The following ARID1B variants were observed in gnomAD, a reference collection of about 807,000 sequenced individuals.
ARID1B encodes the protein AT-rich interactive domain-containing protein 1B.
A neutral mutation model predicts 212.3 loss-of-function variants in ARID1B; 30 were observed. The ratio of observed to expected loss-of-function variants is 0.14; its 90% CI spans 0.11 to 0.19. ARID1B has a LOEUF of 0.19. ARID1B is among the 10% of genes least tolerant of loss of function. The pLI, the probability that ARID1B is intolerant of heterozygous loss-of-function variation, is 1.00. For synonymous variants in ARID1B, 1,402 were observed against 1,301.7 expected (o/e 1.08, Z -1.66); for missense variants, 2,891 against 3,204.0 (o/e 0.90, Z 2.36).
At chr6:157,114,513 C>T (rs1036692881) in intron 6 of ARID1B, among the ~76,000 whole-genome samples, 8 of 98,724 alleles carry the variant, frequency 8.1e-5, no homozygotes, top group African/African-American at 3.7e-4. Flanking sequence ...GACAGAGCGA[C>T]ACTCCGTCTC....
chr6:156,950,909 T>A (rs1340732300), intron 4 of ARID1B, among the ~76,000 whole-genome samples: 1 of 152,210 alleles, frequency 6.6e-6, no homozygotes, highest in African/African-American at 2.4e-5. Flanking sequence ...ATGTATGAAG[T>A]ATAATATAAT....
chr6:157,142,718 A>G (rs537860493), intron 7 of ARID1B, among the ~76,000 whole-genome samples: 45 of 152,368 alleles, frequency 3.0e-4, no homozygotes, highest in Admixed American at 6.5e-4. Flanking sequence ...CTACAAAACA[A>G]GATAAATGCA....
intron 6 of ARID1B, among the ~76,000 whole-genome samples, chr6:157,113,420 G>C (rs1437845025): frequency 1.3e-5 from 2 of 152,176 alleles, no homozygotes; most frequent in Non-Finnish European, 2.9e-5. Flanking sequence ...CTGACTCATA[G>C]TCCTGCAGGC....
intron 2 of ARID1B, 152 bp downstream of exon 2, chr6:156,829,573 T>C: frequency 1.1e-6 from 1 of 925,474 alleles, no homozygotes; most frequent in Non-Finnish European, 1.5e-6. Flanking sequence ...CAGGTATAAT[T>C]TTTTTTTTCT....
intron 2 of ARID1B, among the ~76,000 whole-genome samples, chr6:156,843,238 A>G (rs1024232661): frequency 3.3e-5 from 5 of 152,168 alleles, no homozygotes; most frequent in Admixed American, 3.3e-4. Context: ...TTTTCTGGTA[A>G]TCTTCTGTTT....
intron 2 of ARID1B, among the ~76,000 whole-genome samples, chr6:156,868,863 A>G (rs1785905616): frequency 6.6e-6 from 1 of 152,242 alleles, no homozygotes; most frequent in African/African-American, 2.4e-5. Context: ...GTCAATTTTT[A>G]ATAACACTTA....
At chr6:157,139,246 T>G (rs1311147932) in intron 7 of ARID1B, among the ~76,000 whole-genome samples, 1 of 152,196 alleles carries the variant, frequency 6.6e-6, no homozygotes, top group Non-Finnish European at 1.5e-5. Flanking sequence ...CGCACCACCG[T>G]ACGCACCATG....
intron 3 of ARID1B, among the ~76,000 whole-genome samples, chr6:156,913,221 T>TC (rs1054827414): frequency 1.0e-4 from 15 of 148,770 alleles, no homozygotes; most frequent in African/African-American, 3.4e-4. Flanking sequence ...CTTTTTCTTT[T>TC]TTTTTTTTTT....
chr6:157,061,951 A>G (rs1238352828), intron 4 of ARID1B, among the ~76,000 whole-genome samples: 1 of 152,182 alleles, frequency 6.6e-6, no homozygotes, highest in Non-Finnish European at 1.5e-5. Flanking sequence ...AAGAGTCACC[A>G]TGGTAAATTT....
intron 4 of ARID1B, among the ~76,000 whole-genome samples, chr6:157,032,142 C>T (rs1313764868): frequency 6.6e-6 from 1 of 152,190 alleles, no homozygotes; most frequent in East Asian, 1.9e-4. Context: ...AGACATTTTC[C>T]AGCATGGCAC....
intron 8 of ARID1B, chr6:157,150,302 A>G (rs1790103220): frequency 6.6e-6 from 1 of 152,118 alleles, no homozygotes. Context: ...TCTCTGAGTC[A>G]GTGTTTATGT....
chr6:156,985,417 A>T (rs1777862609), intron 4 of ARID1B: 1 of 152,240 alleles, frequency 6.6e-6, no homozygotes, highest in African/African-American at 2.4e-5. Context: ...CAATATATGG[A>T]TCTGGAAGAA....
intron 4 of ARID1B, among the ~76,000 whole-genome samples, chr6:157,022,106 G>C (rs1025394095): frequency 6.6e-6 from 1 of 151,844 alleles, no homozygotes; most frequent in Non-Finnish European, 1.5e-5. Flanking sequence ...CGCCAGCAGG[G>C]CCGCGGAGCC....
rs141705209 is a variant in ARID1B, at chr6:156,856,700, TCACACACACACACACA to T, written c.1986+27306_1986+27321del. 4.7e-3 allele frequency among the ~76,000 whole-genome samples: 543 copies of T among 114,686 alleles called. 2 individuals carry two copies. The highest frequency in any genetic ancestry group is 0.014 in the African/African-American group (413 of 29,032). 75.2% of individuals were successfully genotyped at this position (114,686 alleles called of 152,430 possible). A position where few individuals can be genotyped will look rare whatever the true frequency, so the allele number is the denominator to read the frequency against. ...CTCTCTCTCTCTCTCTCTCTCTCTC[TCACACACACACACACA>T]CACACACACACACACACACACACAC... On this transcript the variant is annotated intron_variant, in intron 2 of 19. Coordinates refer to ENST00000636930, the MANE Select transcript of ARID1B (RefSeq NM_001374828.1).
rs565269934 is a variant in ARID1B at position 157,074,990 on chromosome 6, G to T, written c.2248-9672G>T. ...ATGGTTATTATTATTGGCATTGGAA[G>T]TTTCTTTCTGAGACCCTGAATAGGT... On this transcript the variant is annotated intron_variant, in intron 4 of 19. Transcript: ENST00000636930. 7.9e-5 allele frequency among the ~76,000 whole-genome samples: 12 copies of T among 152,318 alleles called. No individual in the cohort carries two copies. The South Asian group carries it at 2.3e-3, about 29-fold the overall frequency.
At chr6:156,797,761 G>A (rs569612953) in intron 1 of ARID1B, among the ~76,000 whole-genome samples, 37 of 152,318 alleles carry the variant, frequency 2.4e-4, no homozygotes, top group Admixed American at 1.2e-3. Context: ...CAGTTGAGGC[G>A]GGCACAAGGG....
intron 15 of ARID1B, chr6:157,194,685 C>G (rs1175957784): frequency 6.6e-6 from 1 of 152,038 alleles, no homozygotes; most frequent in African/African-American, 2.4e-5. Context: ...TTTTTTTAAT[C>G]CTTATTTTGG....
At position 157,175,018 on chromosome 6, in the gene ARID1B, G is replaced by C; in HGVS notation, c.3504+13G>C. 7.3e-7 allele frequency: 1 copy of C among 1,367,366 alleles called. No individual in the cohort carries two copies. The highest frequency in any genetic ancestry group is 9.5e-7 in the Non-Finnish European group (1 of 1,050,718). The allele number at this position is 1,367,366 out of a possible 1,614,324, so 84.7% of individuals were successfully genotyped here. A position where few individuals can be genotyped will look rare whatever the true frequency, so the allele number is the denominator to read the frequency against. On this transcript the variant is annotated intron_variant, in intron 11 of 19. Transcript: ENST00000636930. ...TCCATCAAGCCCTGTAAGTGGCTCTGGTTTTTTTTTGTTTTTTTTGTTTTT... is the reference window on the plus strand; with the variant it reads ...TCCATCAAGCCCTGTAAGTGGCTCTCGTTTTTTTTTGTTTTTTTTGTTTTT...
At chr6:156,885,136 G>T (rs1224464743) in intron 2 of ARID1B, among the ~76,000 whole-genome samples, 1 of 152,004 alleles carries the variant, frequency 6.6e-6, no homozygotes, top group Non-Finnish European at 1.5e-5. Flanking sequence ...ATTGGAATAT[G>T]ATCTAATTTC....
Sources: allele counts gnomAD v4.1 joint callset (sites outside exome capture counted in the v4.1 genomes callset), GRCh38; gene constraint gnomAD v4.1.1; transcripts MANE v1.5; gene names NCBI Gene and HGNC (gene_info 2026-07-23, HGNC 2026-07-21).